The following FBP2 variants were observed in gnomAD, a reference collection of about 807,000 sequenced individuals.
The protein encoded by FBP2 is fructose-1,6-bisphosphatase isozyme 2.
A neutral mutation model predicts 31.6 loss-of-function variants in FBP2; 27 were observed. The ratio of observed to expected loss-of-function variants is 0.85; its 90% CI spans 0.63 to 1.18. The LOEUF (loss-of-function observed/expected upper bound fraction) is 1.18. FBP2 is among the 50% of genes most tolerant of loss of function. The pLI is 0.00. For synonymous variants in FBP2, 168 were observed against 179.8 expected, an observed-to-expected ratio of 0.93 and a Z score of 0.53; for missense variants, 421 against 436.1, an observed-to-expected ratio of 0.97 and a Z score of 0.31.
chr9:94,569,894 TA>T (rs1240984817), intron 4 of FBP2: 1 of 152,218 alleles, frequency 6.6e-6, no homozygotes, highest in African/African-American at 2.4e-5. Context: ...GCTGCCTCCA[TA>T]AGCTACTGGC....
At chr9:94,566,811 C>T (rs961120092) in intron 5 of FBP2, among the ~76,000 whole-genome samples, 3 of 152,188 alleles carry the variant, frequency 2.0e-5, no homozygotes, top group Non-Finnish European at 2.9e-5. Context: ...AGCATCTGAA[C>T]TTGATGGAGC....
chr9:94,585,370 G>T (rs1827415172), intron 2 of FBP2, among the ~76,000 whole-genome samples: 1 of 152,170 alleles, frequency 6.6e-6, no homozygotes, highest in South Asian at 2.1e-4. Flanking sequence ...CAAGGCCCTG[G>T]GGTTTGTTTC....
chr9:94,558,800 T>G lies in FBP2; in HGVS notation c.*138A>C. The G allele has an allele frequency of 1.3e-6, 1 of 775,902 alleles. No individual in the cohort carries two copies. Among genetic ancestry groups the G allele is most frequent in the Non-Finnish European group, 2.1e-6 (1 of 467,818 alleles). The allele number at this position is 775,902 out of a possible 1,614,324, so 48.1% of individuals were successfully genotyped here. On this transcript the variant is annotated 3_prime_UTR_variant, in exon 7 of 7. Coordinates refer to ENST00000375337, the MANE Select transcript of FBP2 (RefSeq NM_003837.4). ...TGGCTTCCAAACCTGTCGTAAGCAGTTTGTTGTTGCTCTTCTGTATGTGAT... is the reference window on the plus strand; with the variant it reads ...TGGCTTCCAAACCTGTCGTAAGCAGGTTGTTGTTGCTCTTCTGTATGTGAT...
At position 94,558,960 on chromosome 9, in the gene FBP2, T is replaced by A; in HGVS notation, c.998A>T (p.Gln333Leu). ...EDVQEYLTCV[Q>L]KNQAGS is the part of the protein sequence containing the mutation. ...TCGCTAGCTGCCTGCCTGATTTTTC[T>A]GCACACAGGTGAGATATTCCTGCAC... The change falls in exon 7 of 7, where the codon CAG becomes CTG. Residue 333 changes from glutamine to leucine, a missense_variant. Coordinates refer to ENST00000375337, the MANE Select transcript of FBP2 (RefSeq NM_003837.4). 1 of 1,614,138 alleles carries A rather than the reference T, an allele frequency of 6.2e-7. No homozygotes were observed. Among genetic ancestry groups the A allele is most frequent in the Non-Finnish European group, 8.5e-7 (1 of 1,180,026 alleles).
At chr9:94,560,156 T>C (rs1827075551) in intron 6 of FBP2, among the ~76,000 whole-genome samples, 1 of 152,174 alleles carries the variant, frequency 6.6e-6, no homozygotes, top group Non-Finnish European at 1.5e-5. Context: ...GCAAGGCCAC[T>C]GTTTCCTGCA....
chr9:94,567,219 C>T, intron 5 of FBP2, 51 bp downstream of exon 5: 1 of 1,605,574 alleles, frequency 6.2e-7, no homozygotes, highest in South Asian at 1.1e-5. Context: ...CCAAACAGGA[C>T]CCCATGGGGA....
chr9:94,588,120 G>A (rs780366354), intron 1 of FBP2, among the ~76,000 whole-genome samples: 15 of 152,070 alleles, frequency 9.9e-5, no homozygotes, highest in Non-Finnish European at 2.9e-5. Context: ...CAAAGTGCTG[G>A]GATTACAGGC....
chr9:94,575,706 A>T (rs1213752446), intron 3 of FBP2, among the ~76,000 whole-genome samples: 1 of 152,130 alleles, frequency 6.6e-6, no homozygotes, highest in Non-Finnish European at 1.5e-5. Flanking sequence ...CAAAGTAGTT[A>T]TACTATTTGA....
intron 6 of FBP2, among the ~76,000 whole-genome samples, chr9:94,560,591 C>T (rs1230745988): frequency 6.6e-6 from 1 of 152,056 alleles, no homozygotes; most frequent in East Asian, 1.9e-4. Context: ...CAGCTATGTG[C>T]AGCCTTTCCT....
At chr9:94,561,350 G>GT (rs1463916724) in intron 6 of FBP2, among the ~76,000 whole-genome samples, 1 of 59,790 alleles carries the variant, frequency 1.7e-5, no homozygotes, top group African/African-American at 4.9e-5. Flanking sequence ...CATGTGACCT[G>GT]TATTTTTTTT....
intron 3 of FBP2, among the ~76,000 whole-genome samples, chr9:94,581,751 T>A (rs1405361900): frequency 6.6e-6 from 1 of 152,056 alleles, no homozygotes; most frequent in East Asian, 1.9e-4. Context: ...CCGAAGGAAA[T>A]CCCCAGATAA....
At position 94,571,536 on chromosome 9, in the gene FBP2, A is replaced by G; in HGVS notation, c.493T>C (p.Tyr165His). The change falls in exon 4 of 7, where the codon TAT (tyrosine) becomes CAT (histidine). Residue 165 changes from tyrosine to histidine, a missense_variant. Transcript: ENST00000375337. ...QCGRNIVAAG[Y>H]ALYGSATLVA... ...AGGGTTGCACTACCGTACAGCGCAT[A>G]ACCTGCGGCCACAATATTGCGGCCA... The G allele has an allele frequency of 6.2e-7, 1 of 1,614,018 alleles. No homozygotes were observed. The highest frequency in any genetic ancestry group is 8.5e-7 in the Non-Finnish European group (1 of 1,179,952).
At position 94,571,601 on chromosome 9, in the gene FBP2, G is replaced by A; in HGVS notation, c.428C>T (p.Thr143Ile). The A allele has an allele frequency of 6.2e-7, 1 of 1,611,230 alleles. No individual in the cohort carries two copies. The highest frequency in any genetic ancestry group is 8.5e-7 in the Non-Finnish European group (1 of 1,178,472). Residue 143 changes from threonine (T) to isoleucine (I), a missense_variant and splice_region_variant, in exon 4 of 7, where the codon ACC (threonine) becomes ATC (isoleucine). Thr to Ile is a moderately conservative substitution (Grantham distance 89). Transcript: ENST00000375337. ...IGTIFAIYRKTSEDEPSEKDA... is the reference protein window; with the variant it reads ...IGTIFAIYRKISEDEPSEKDA... ...CTTTTCAGAAGGCTCATCCTCTGAG[G>A]TCTGTGGAAGAGAGGGATAAATGCC... is the stretch of plus-strand genomic sequence containing the variant.
chr9:94,568,493 G>C (rs1299584292), intron 4 of FBP2: 1 of 152,174 alleles, frequency 6.6e-6, no homozygotes, highest in Non-Finnish European at 1.5e-5. Context: ...AGGAAAACCA[G>C]AGCCTGGAAA....
chr9:94,579,626 C>T (rs143232713), intron 3 of FBP2, among the ~76,000 whole-genome samples: 1 of 152,058 alleles, frequency 6.6e-6, no homozygotes, highest in Non-Finnish European at 1.5e-5. Context: ...ATGTTTAAAG[C>T]AAGGTTGTCT....
chr9:94,590,454 C>T (rs369847296), intron 1 of FBP2, among the ~76,000 whole-genome samples: 1 of 31,776 alleles, frequency 3.1e-5, no homozygotes, highest in Non-Finnish European at 6.2e-5. Flanking sequence ...GGTCCCCTGC[C>T]TGGGTGGTGG....
At chr9:94,569,940 C>G (rs983970264) in intron 4 of FBP2, 1 of 152,238 alleles carries the variant, frequency 6.6e-6, no homozygotes, top group African/African-American at 2.4e-5. Context: ...TGACAACTGC[C>G]ACAAGCTACC....
At chr9:94,564,126 A>G (rs1449752652) in intron 5 of FBP2, among the ~76,000 whole-genome samples, 4 of 152,198 alleles carry the variant, frequency 2.6e-5, no homozygotes, top group African/African-American at 7.2e-5. Flanking sequence ...CACTAGACCA[A>G]ATGGATCTGT....
chr9:94,573,740 AAG>A (rs1827291498), intron 3 of FBP2, among the ~76,000 whole-genome samples: 1 of 152,174 alleles, frequency 6.6e-6, no homozygotes, highest in Admixed American at 6.5e-5. Context: ...ATATTTTGTT[AAG>A]AGTTTTTGCA....
Sources: allele counts gnomAD v4.1 joint callset (sites outside exome capture counted in the v4.1 genomes callset), GRCh38; gene constraint gnomAD v4.1.1; transcripts MANE v1.5; gene names NCBI Gene and HGNC (gene_info 2026-07-23, HGNC 2026-07-21).